PHLPP1: variants seen among roughly 807,000 people sequenced by gnomAD.
PHLPP1 encodes the protein PH domain and leucine rich repeat protein phosphatase 1, also known as PH domain leucine-rich repeat-containing protein phosphatase 1.
In PHLPP1, 42 loss-of-function variants were observed where a neutral mutation model predicts 117.2. The observed-to-expected ratio is 0.36, with a 90% CI of 0.28 to 0.46. The LOEUF (loss-of-function observed/expected upper bound fraction) is 0.46, where lower values mean the gene tolerates loss of function less well. Among genes scored for constraint, PHLPP1 ranks in the 20% least tolerant of loss-of-function variants. The pLI, the probability that PHLPP1 is intolerant of heterozygous loss-of-function variation, is 1.00. For synonymous variants in PHLPP1, 1,042 were observed against 970.7 expected (o/e 1.07, Z -1.37); for missense variants, 2,084 against 2,241.9 (o/e 0.93, Z 1.42).
At chr18:62,854,172 G>A (rs1915435474) in intron 3 of PHLPP1, among the ~76,000 whole-genome samples, 1 of 152,132 alleles carries the variant, frequency 6.6e-6, no homozygotes, top group Admixed American at 6.6e-5. Context: ...TCTTGTCTGT[G>A]GTTATAAGTA....
chr18:62,941,597 C>T, intron 10 of PHLPP1, 121 bp from the exon 11 acceptor site: 3 of 681,522 alleles, frequency 4.4e-6, no homozygotes, highest in South Asian at 2.0e-5. Context: ...GAAGCCAGGG[C>T]TTGTCTTTTC....
At chr18:62,819,798 A>G (rs561036597) in intron 1 of PHLPP1, among the ~76,000 whole-genome samples, 2 of 152,110 alleles carry the variant, frequency 1.3e-5, no homozygotes, top group Non-Finnish European at 2.9e-5. Context: ...GGCGCCTGCC[A>G]CCACACCTAG....
intron 12 of PHLPP1, among the ~76,000 whole-genome samples, chr18:62,956,571 C>A (rs1025321053): frequency 3.3e-5 from 5 of 151,758 alleles, no homozygotes; most frequent in African/African-American, 1.2e-4. Context: ...TGAAATTGCA[C>A]CTATGTTTGA....
At chr18:62,750,771 A>G (rs1911826736) in intron 1 of PHLPP1, among the ~76,000 whole-genome samples, 2 of 150,974 alleles carry the variant, frequency 1.3e-5, no homozygotes, top group Non-Finnish European at 3.0e-5. Flanking sequence ...TGATTCATTA[A>G]TGTATTTTTT....
intron 1 of PHLPP1, among the ~76,000 whole-genome samples, chr18:62,747,356 C>T (rs149884260): frequency 7.5e-4 from 112 of 148,616 alleles, no homozygotes; most frequent in African/African-American, 2.7e-3. Flanking sequence ...ATGATCTTGG[C>T]TCACTGCAAC....
At position 62,717,180 on chromosome 18, in the gene PHLPP1, A is replaced by G. The variant is rs201380734; in HGVS notation, c.1497A>G (p.Gln499=). The change falls in exon 1 of 17, where the codon CAA becomes CAG. Residue 499 remains glutamine (Q), a synonymous_variant. Transcript: ENST00000262719. ...AGATCCAAAATGACTACCTCTTCCA[A>G]CTGGGATTTGGGGAGCTGTGGAGGG... is the stretch of plus-strand genomic sequence containing the variant. ...PLQIQNDYLF[Q]LGFGELWRVQ... is the part of the protein sequence containing the mutation. The G allele has an allele frequency of 5.6e-6, 9 of 1,613,468 alleles. No homozygotes were observed. The highest frequency in any genetic ancestry group is 5.3e-5 in the African/African-American group (4 of 74,912).
intron 10 of PHLPP1, among the ~76,000 whole-genome samples, chr18:62,934,057 T>G (rs1909897938): frequency 6.6e-6 from 1 of 152,008 alleles, no homozygotes; most frequent in Non-Finnish European, 1.5e-5. Context: ...GAATGACTAT[T>G]AAGTCAAAAT....
intron 4 of PHLPP1, among the ~76,000 whole-genome samples, chr18:62,861,434 G>T (rs577898314): frequency 6.6e-6 from 1 of 152,186 alleles, no homozygotes; most frequent in East Asian, 1.9e-4. Context: ...TAGAAGAGAG[G>T]GACTTGACTT....
chr18:62,864,453 A>G (rs926036428), intron 4 of PHLPP1, among the ~76,000 whole-genome samples: 2 of 152,214 alleles, frequency 1.3e-5, no homozygotes, highest in Non-Finnish European at 2.9e-5. Context: ...CTTGTATTCA[A>G]GGTAGAGAGG....
chr18:62,852,529 G>C (rs1915383259), intron 3 of PHLPP1, among the ~76,000 whole-genome samples: 1 of 152,034 alleles, frequency 6.6e-6, no homozygotes, highest in South Asian at 2.1e-4. Flanking sequence ...ATTTTTAGTA[G>C]AGACGGGGTT....
At chr18:62,765,095 C>T (rs1458701644) in intron 1 of PHLPP1, among the ~76,000 whole-genome samples, 1 of 152,128 alleles carries the variant, frequency 6.6e-6, no homozygotes, top group African/African-American at 2.4e-5. Context: ...CTATTATATC[C>T]TCCAAGTCAC....
chr18:62,826,235 GCTTA>G (rs1173144653), intron 1 of PHLPP1: 1 of 421,822 alleles, frequency 2.4e-6, no homozygotes, highest in East Asian at 6.8e-5. Context: ...GATTGAACTA[GCTTA>G]CTTACGGAGA....
At chr18:62,733,182 A>G (rs1911274035) in intron 1 of PHLPP1, among the ~76,000 whole-genome samples, 1 of 152,224 alleles carries the variant, frequency 6.6e-6, no homozygotes, top group African/African-American at 2.4e-5. Context: ...TTGAGCAGCA[A>G]ACTTTATTGT....
intron 4 of PHLPP1, among the ~76,000 whole-genome samples, chr18:62,876,437 C>G (rs1185944420): frequency 6.6e-6 from 1 of 152,126 alleles, no homozygotes; most frequent in African/African-American, 2.4e-5. Flanking sequence ...TGACCTTTTG[C>G]TCTTCTGAAT....
rs1397028086 is a variant in PHLPP1, at chr18:62,919,159, T to C, written c.2805-800T>C. Among the ~76,000 whole-genome samples, 3 of 152,166 alleles carry C rather than the reference T, an allele frequency of 2.0e-5. No individual in the cohort carries two copies. The East Asian group carries it at 5.8e-4, about 29-fold the overall frequency. On this transcript the variant is annotated intron_variant, in intron 9 of 16. Transcript: ENST00000262719. ...AGGATGCAAATTGTAACCTCACTTT[T>C]CCCCACCCCCCAGATGTCTGTTTAA...
chr18:62,755,736 G>T (rs1038559879), intron 1 of PHLPP1, among the ~76,000 whole-genome samples: 7 of 152,208 alleles, frequency 4.6e-5, no homozygotes, highest in Non-Finnish European at 7.4e-5. Context: ...ATGGTACTTT[G>T]TTATAGCAGC....
chr18:62,782,435 C>T (rs1005869344), intron 1 of PHLPP1, among the ~76,000 whole-genome samples: 2 of 152,272 alleles, frequency 1.3e-5, no homozygotes, highest in South Asian at 2.1e-4. Context: ...AATATTATCA[C>T]CTAAAAAGAT....
At chr18:62,757,773 G>A (rs531254570) in intron 1 of PHLPP1, among the ~76,000 whole-genome samples, 1 of 152,312 alleles carries the variant, frequency 6.6e-6, no homozygotes, top group African/African-American at 2.4e-5. Context: ...CTGTTTTCCA[G>A]TTTTGCAGCT....
chr18:62,755,253 CA>C (rs1441540539), intron 1 of PHLPP1, among the ~76,000 whole-genome samples: 1 of 152,172 alleles, frequency 6.6e-6, no homozygotes, highest in Non-Finnish European at 1.5e-5. Flanking sequence ...CCCGGACGTC[CA>C]AAACCTGATC....
Sources: allele counts gnomAD v4.1 joint callset (sites outside exome capture counted in the v4.1 genomes callset), GRCh38; gene constraint gnomAD v4.1.1; transcripts MANE v1.5; gene names NCBI Gene and HGNC (gene_info 2026-07-23, HGNC 2026-07-21).